KCNH5: variants seen among roughly 807,000 people sequenced by gnomAD.
KCNH5 encodes the protein voltage-gated delayed rectifier potassium channel KCNH5.
Under a neutral mutation model 96.1 loss-of-function variants are expected in KCNH5, and 46 were observed. The observed-to-expected ratio is 0.48, with a 90% CI of 0.38 to 0.61. The LOEUF (loss-of-function observed/expected upper bound fraction) is 0.61, where lower values mean the gene tolerates loss of function less well. KCNH5 is among the 20% of genes least tolerant of loss of function. The pLI is 0.00. For synonymous variants in KCNH5, 439 were observed against 449.8 expected, an observed-to-expected ratio of 0.98 and a Z score of 0.30; for missense variants, 907 against 1,225.8, an observed-to-expected ratio of 0.74 and a Z score of 3.88.
intron 7 of KCNH5, among the ~76,000 whole-genome samples, chr14:62,909,426 G>A (rs1459132062): frequency 6.6e-6 from 1 of 152,150 alleles, no homozygotes; most frequent in African/African-American, 2.4e-5. Flanking sequence ...TTAATTATGA[G>A]CAACATTGTA....
intron 9 of KCNH5, among the ~76,000 whole-genome samples, chr14:62,796,576 A>T (rs946339205): frequency 2.6e-5 from 4 of 152,182 alleles, no homozygotes; most frequent in African/African-American, 9.7e-5. Flanking sequence ...TCTATGATAG[A>T]TTTATGAGCA....
intron 8 of KCNH5, among the ~76,000 whole-genome samples, chr14:62,825,534 A>G (rs1190666345): frequency 1.3e-5 from 2 of 152,130 alleles, no homozygotes; most frequent in African/African-American, 2.4e-5. Flanking sequence ...GACTTCATCA[A>G]GAGTCACATC....
intron 10 of KCNH5, among the ~76,000 whole-genome samples, chr14:62,773,286 G>T (rs971077513): frequency 6.6e-6 from 1 of 152,100 alleles, no homozygotes. Flanking sequence ...TATACAAGAC[G>T]CATCCTTGTT....
chr14:62,994,195 G>A (rs1263520030), intron 4 of KCNH5, among the ~76,000 whole-genome samples: 2 of 151,974 alleles, frequency 1.3e-5, no homozygotes, highest in Non-Finnish European at 2.9e-5. Flanking sequence ...TATTTCATCT[G>A]TTGTTTCCTC....
In KCNH5 at chr14:63,045,270, G is replaced by C; in HGVS notation, c.-84C>G. The C allele has an allele frequency of 1.8e-6, 2 of 1,110,324 alleles. No individual in the cohort carries two copies. Among genetic ancestry groups the C allele is most frequent in the South Asian group, 1.2e-5 (1 of 80,294 alleles). The allele number at this position is 1,110,324 out of a possible 1,614,324, so 68.8% of individuals were successfully genotyped here. Reference sequence around the variant, plus strand: ...AGAAGGTGGAGGAAGAGGAGGAAAAGGTGGAAGAGAAGATTGAGCCGAAAG... The same window carrying C: ...AGAAGGTGGAGGAAGAGGAGGAAAACGTGGAAGAGAAGATTGAGCCGAAAG... On this transcript the variant is annotated 5_prime_UTR_variant, in exon 1 of 11. Coordinates refer to ENST00000322893, the MANE Select transcript of KCNH5 (RefSeq NM_139318.5).
intron 1 of KCNH5, among the ~76,000 whole-genome samples, chr14:63,043,618 T>C (rs1165076525): frequency 6.6e-6 from 1 of 152,190 alleles, no homozygotes; most frequent in East Asian, 1.9e-4. Context: ...CCGACCCAAA[T>C]ACAACACTAC....
In KCNH5 at chr14:62,700,059, T is replaced by A. The variant is rs1884323692; in HGVS notation, c.*7449A>T. ...TGCAGTGACAAAAACATTTAAGAAGTTGCAAAATTAATTCCCATAGTAACA... is the reference window on the plus strand; with the variant it reads ...TGCAGTGACAAAAACATTTAAGAAGATGCAAAATTAATTCCCATAGTAACA... On this transcript the variant is annotated 3_prime_UTR_variant, in exon 11 of 11. Coordinates refer to ENST00000322893, the MANE Select transcript of KCNH5 (RefSeq NM_139318.5). 1 of 152,156 alleles carries A rather than the reference T, an allele frequency of 6.6e-6. No homozygotes were observed. The highest frequency in any genetic ancestry group is 1.5e-5 in the Non-Finnish European group (1 of 68,016). The allele number at this position is 152,156 out of a possible 1,614,324, so 9.4% of individuals were successfully genotyped here.
chr14:62,817,864 C>T (rs1295961752), intron 8 of KCNH5, among the ~76,000 whole-genome samples: 1 of 130,294 alleles, frequency 7.7e-6, no homozygotes, highest in Non-Finnish European at 1.6e-5. Flanking sequence ...CACATACATA[C>T]ATATACATAT....
intron 7 of KCNH5, among the ~76,000 whole-genome samples, chr14:62,851,677 A>G (rs1453547977): frequency 6.6e-6 from 1 of 152,110 alleles, no homozygotes; most frequent in Admixed American, 6.6e-5. Flanking sequence ...AAATTTTTAA[A>G]ATAATGAGTA....
intron 10 of KCNH5, among the ~76,000 whole-genome samples, chr14:62,769,007 T>A (rs1184422710): frequency 6.6e-6 from 1 of 152,228 alleles, no homozygotes; most frequent in Non-Finnish European, 1.5e-5. Context: ...CTCTGCTTCA[T>A]CTAAATGCAC....
intron 10 of KCNH5, among the ~76,000 whole-genome samples, chr14:62,746,943 C>T (rs991910460): frequency 3.3e-5 from 5 of 152,186 alleles, no homozygotes; most frequent in African/African-American, 9.7e-5. Flanking sequence ...ACTTCAAACA[C>T]GCTATCATGT....
At chr14:62,911,898 C>T (rs184892299) in intron 7 of KCNH5, among the ~76,000 whole-genome samples, 80 of 151,516 alleles carry the variant, frequency 5.3e-4, no homozygotes, top group African/African-American at 1.8e-3. Context: ...ATTAGCTGGG[C>T]GTGGTGGCAG....
intron 10 of KCNH5, among the ~76,000 whole-genome samples, chr14:62,740,475 C>A (rs1417584401): frequency 6.6e-6 from 1 of 152,114 alleles, no homozygotes; most frequent in Non-Finnish European, 1.5e-5. Context: ...TGCTCTCCTG[C>A]TGATTTTCTA....
chr14:62,781,944 C>A (rs1392284057), intron 9 of KCNH5, among the ~76,000 whole-genome samples: 1 of 152,140 alleles, frequency 6.6e-6, no homozygotes, highest in East Asian at 1.9e-4. Context: ...ATCTTTACAA[C>A]TTATGCTTAG....
intron 7 of KCNH5, among the ~76,000 whole-genome samples, chr14:62,916,877 G>C (rs1001695572): frequency 1.3e-5 from 2 of 152,160 alleles, no homozygotes; most frequent in East Asian, 3.9e-4. Context: ...AAGAGGTCCA[G>C]ACAAAGTTAA....
chr14:62,754,210 C>T (rs1037855940), intron 10 of KCNH5, among the ~76,000 whole-genome samples: 6 of 151,880 alleles, frequency 4.0e-5, no homozygotes, highest in South Asian at 2.1e-4. Context: ...ATATATTATT[C>T]GCAAGCTTCA....
chr14:62,796,098 C>T (rs1419448628), intron 9 of KCNH5, among the ~76,000 whole-genome samples: 2 of 152,128 alleles, frequency 1.3e-5, no homozygotes, highest in Non-Finnish European at 2.9e-5. Flanking sequence ...CCCCATAAGC[C>T]ATGCTCGTAG....
At chr14:62,713,089 T>G (rs946152364) in intron 10 of KCNH5, among the ~76,000 whole-genome samples, 2 of 152,174 alleles carry the variant, frequency 1.3e-5, no homozygotes, top group Non-Finnish European at 2.9e-5. Flanking sequence ...AACTGCTATA[T>G]CTCTAGTGTC....
chr14:62,715,572 C>T (rs1001079506), intron 10 of KCNH5, among the ~76,000 whole-genome samples: 2 of 152,146 alleles, frequency 1.3e-5, no homozygotes, highest in Non-Finnish European at 2.9e-5. Flanking sequence ...ATGGGGCTGT[C>T]GCAAATGACC....
Sources: allele counts gnomAD v4.1 joint callset (sites outside exome capture counted in the v4.1 genomes callset), GRCh38; gene constraint gnomAD v4.1.1; transcripts MANE v1.5; gene names NCBI Gene and HGNC (gene_info 2026-07-23, HGNC 2026-07-21).